The following FLNA variants were observed in gnomAD, a reference collection of about 807,000 sequenced individuals.
FLNA encodes the protein filamin A.
FLNA carries 7 observed loss-of-function variants against 157.6 expected under a neutral mutation model. The observed-to-expected ratio is 0.04, with a 90% confidence interval of 0.03 to 0.08. FLNA has a LOEUF of 0.08. Ranked by LOEUF, FLNA falls within the 10% of genes least tolerant of loss-of-function variation. FLNA has a pLI of 1.00. For synonymous variants in FLNA, 1,103 were observed against 1,060.8 expected, an observed-to-expected ratio of 1.04 and a Z score of -0.77; for missense variants, 1,750 against 2,398.4, an observed-to-expected ratio of 0.73 and a Z score of 5.65.
At chrX:154,358,735 C>T (rs1396495738) in intron 26 of FLNA, 167 bp from the exon 27 acceptor site, 2 of 680,367 alleles carry the variant, frequency 2.9e-6, no homozygotes, top group Non-Finnish European at 4.5e-6. Context: ...AGACACCCAT[C>T]TGGGTGCCAG....
intron 1 of FLNA, among the ~76,000 whole-genome samples, chrX:154,373,999 C>T (rs961143826): frequency 8.9e-6 from 1 of 112,750 alleles, no homozygotes; most frequent in Non-Finnish European, 1.9e-5. Context: ...CTCACCATGG[C>T]CCCCATGGAG....
In FLNA at chrX:154,361,704, G is replaced by C. The variant is rs782026572; in HGVS notation, c.2910C>G (p.Asp970Glu). 8.3e-7 allele frequency: 1 copy of C among 1,210,632 alleles called. No individual in the cohort carries two copies. The highest frequency in any genetic ancestry group is 3.0e-5 in the East Asian group (1 of 33,850). Reference sequence around the variant, plus strand: ...GGCCAGACACCTTGATCTTGCTGAGGTCCAGGCTTGGAGATACTGCCACTG... The same window carrying C: ...GGCCAGACACCTTGATCTTGCTGAGCTCCAGGCTTGGAGATACTGCCACTG... ...PFSVAVSPSL[D>E]LSKIKVSGLG... is the part of the protein sequence containing the mutation. Residue 970 changes from aspartate to glutamate, a missense_variant, in exon 20 of 48, where the codon GAC becomes GAG. By Grantham distance (45) the Asp-to-Glu change is conservative. Transcript: ENST00000369850.
At position 154,355,049 on chromosome X, in the gene FLNA, G is replaced by C. The variant is rs782244680; in HGVS notation, c.4993C>G (p.Gln1665Glu). 1.7e-6 allele frequency: 2 copies of C among 1,207,571 alleles called. No individual in the cohort carries two copies. Among genetic ancestry groups the C allele is most frequent in the Non-Finnish European group, 2.2e-6 (2 of 891,982 alleles). The change falls in exon 31 of 48, where the codon CAG becomes GAG. Residue 1665 changes from glutamine to glutamate, a missense_variant. By Grantham distance (29) the Gln-to-Glu change is conservative (BLOSUM62 2). Around this residue, in one of 5 missense-constraint regions of FLNA, gnomAD observed 970 missense variants for 1,302.6 expected, o/e 0.74. Transcript: ENST00000369850. ...GTGATCACCGTCTCCTCCCCAATCTGAATGGTGGGGCCGATGCCAGCACCT... is the reference window on the plus strand; with the variant it reads ...GTGATCACCGTCTCCTCCCCAATCTCAATGGTGGGGCCGATGCCAGCACCT... The part of the protein sequence containing the change: ...GLGAGIGPTI[Q>E]IGEETVITVD...
In FLNA at chrX:154,351,024, G is replaced by C. The variant is rs782166267; in HGVS notation, c.7041C>G (p.Val2347=). ...TGACTGCAAAAGAGGCTGGCTGGTT[G>C]ACCTTTAGCCCTGACTCCTGGAAGC... ...VSSLQESGLK[V]NQPASFAVSL... The change falls in exon 44 of 48, where the codon GTC becomes GTG. Residue 2347 remains valine (V), a synonymous_variant. Transcript: ENST00000369850. The C allele has an allele frequency of 1.6e-5, 19 of 1,211,774 alleles. No homozygotes were observed. Among genetic ancestry groups the C allele is most frequent in the Non-Finnish European group, 2.0e-5 (18 of 895,399 alleles).
rs59672916 is a variant in FLNA at position 154,361,046 on chromosome X, C to CAAAAAAAAAAAAAAAAAAAAAAAAAA, written c.3207+236_3207+261dup. On this transcript the variant is annotated intron_variant, in intron 21 of 47. Transcript: ENST00000369850. ...TGGGCGACAGAGTGAGACTCTTTCTCAAAAAAAAAAAAAAAAAAAAAAAAA... is the reference window on the plus strand; with the variant it reads ...TGGGCGACAGAGTGAGACTCTTTCTCAAAAAAAAAAAAAAAAAAAAAAAAAAAAAAAAAAAAAAAAAAAAAAAAAAA... Among the ~76,000 whole-genome samples the CAAAAAAAAAAAAAAAAAAAAAAAAAA allele has an allele frequency of 5.0e-4, 10 of 19,993 alleles. 1 individual carries two copies. The highest frequency in any genetic ancestry group is 5.9e-4 in the African/African-American group (3 of 5,114). 17.4% of individuals were successfully genotyped at this position (19,993 alleles called of 115,157 possible).
rs782811927 is a variant in FLNA, at chrX:154,350,154, C to T, written c.7210G>A (p.Val2404Ile). 26 of 1,210,152 alleles carry T rather than the reference C, an allele frequency of 2.1e-5. No individual in the cohort carries two copies. In the South Asian group the frequency reaches 3.3e-4, roughly 16 times the overall value. ...PRENGVYLID[V>I]KFNGTHIPGS... ...GGGATGTGGGTGCCGTTGAACTTGA[C>T]GTCAATCAGGTAAACGCCATTCTCC... The change falls in exon 45 of 48, where the codon GTC (valine) becomes ATC (isoleucine). Residue 2404 changes from valine (V) to isoleucine (I), a missense_variant. Transcript: ENST00000369850.
At chrX:154,358,765 G>A (rs1435981759) in intron 26 of FLNA, 197 bp from the exon 27 acceptor site, 4 of 593,959 alleles carry the variant, frequency 6.7e-6, no homozygotes, top group Non-Finnish European at 1.1e-5. Flanking sequence ...TTGCCTGCCT[G>A]CCTTCCTGCC....
intron 21 of FLNA, among the ~76,000 whole-genome samples, 174 bp from the exon 22 acceptor site, chrX:154,360,761 G>A (rs2067700177): frequency 8.9e-6 from 1 of 111,920 alleles, no homozygotes; most frequent in Non-Finnish European, 1.9e-5. Flanking sequence ...AGGACAAAAA[G>A]GAGGGCAGGG....
rs782631276 is a variant in FLNA, at chrX:154,368,186, G to A, written c.374-96C>T. ...AGGGTCTGGCAGCACGGGGTAGCAG[G>A]GGCCAAGGAGGAGGTAGACACCCCC... On this transcript the variant is annotated intron_variant, in intron 2 of 47. Transcript: ENST00000369850. 5.3e-6 allele frequency: 6 copies of A among 1,122,956 alleles called. No homozygotes were observed. In the Admixed American group the frequency reaches 6.5e-5, roughly 12 times the overall value. The allele number at this position is 1,122,956 out of a possible 1,213,427, so 92.5% of individuals were successfully genotyped here. A position where few individuals can be genotyped will look rare whatever the true frequency, so the allele number is the denominator to read the frequency against.
intron 21 of FLNA, 55 bp downstream of exon 21, chrX:154,361,253 G>A: frequency 1.7e-6 from 2 of 1,164,233 alleles, no homozygotes; most frequent in South Asian, 1.8e-5. Context: ...GTACCTTTGG[G>A]GCCCTCAGAG....
intron 1 of FLNA, among the ~76,000 whole-genome samples, chrX:154,373,720 G>A (rs913292103): frequency 8.8e-6 from 1 of 113,066 alleles, no homozygotes; most frequent in African/African-American, 3.2e-5. Flanking sequence ...GAAGGAAGCC[G>A]CAGACTGGCA....
intron 1 of FLNA, among the ~76,000 whole-genome samples, chrX:154,371,704 C>T (rs1337138770): frequency 1.8e-5 from 2 of 113,062 alleles, no homozygotes; most frequent in African/African-American, 6.4e-5. Context: ...CTTTCCTTCC[C>T]CAGGGCCCCT....
At chrX:154,371,586 C>T (rs987090532) in intron 1 of FLNA, among the ~76,000 whole-genome samples, 3 of 113,131 alleles carry the variant, frequency 2.7e-5, no homozygotes, top group Admixed American at 9.2e-5. Flanking sequence ...GCTCCCAGCC[C>T]CGCAGCCTCG....
chrX:154,371,315 G>C lies in FLNA; in HGVS notation c.-70C>G. On this transcript the variant is annotated 5_prime_UTR_variant, in exon 2 of 48. Transcript: ENST00000369850. The stretch of plus-strand genomic sequence containing the variant: ...AGGGGACGGCCCTTTAATTAAAGTC[G>C]CAGGCACCTAGGCGCGCGGGAGGCG... 8.7e-7 allele frequency: 1 copy of C among 1,153,304 alleles called. No individual in the cohort carries two copies. Among genetic ancestry groups the C allele is most frequent in the Admixed American group, 2.5e-5 (1 of 40,749 alleles).
At position 154,349,813 on chromosome X, in the gene FLNA, G is replaced by A. The variant is rs1460574102; in HGVS notation, c.7388C>T (p.Ser2463Leu). 6.6e-6 allele frequency: 8 copies of A among 1,210,209 alleles called. No individual in the cohort carries two copies. Among genetic ancestry groups the A allele is most frequent in the Non-Finnish European group, 7.8e-6 (7 of 895,145 alleles). The part of the protein sequence containing the change: ...NTSNAGAGAL[S>L]VTIDGPSKVK... Reference sequence around the variant, plus strand: ...CTTGGAGGGGCCGTCAATGGTCACCGACAGGGCACCAGCTCCCGCATTGCT... The same window carrying A: ...CTTGGAGGGGCCGTCAATGGTCACCAACAGGGCACCAGCTCCCGCATTGCT... Residue 2463 changes from serine to leucine, a missense_variant, in exon 46 of 48, where the codon TCG becomes TTG. This residue lies in a region of FLNA where 970 missense variants were observed against 1,302.6 expected (regional missense o/e 0.74). Transcript: ENST00000369850.
Position 154,357,545 on chromosome X carries a change from C to A in FLNA, c.4834G>T (p.Val1612Leu), listed in dbSNP as rs782082407. 1.7e-6 allele frequency: 2 copies of A among 1,211,365 alleles called. No homozygotes were observed. The highest frequency in any genetic ancestry group is 5.9e-5 in the East Asian group (2 of 33,859). ...ATGAGGATGGTGTAGCGACCTGTCA[C>A]GTCTGGCACGTAGGCCACTGTATAC... ...GTYTVAYVPD[V>L]TGRYTILIKY... The change falls in exon 29 of 48, where the codon GTG (valine) becomes TTG (leucine). Residue 1612 changes from valine to leucine, a missense_variant. Transcript: ENST00000369850.
In FLNA at chrX:154,366,585, G is replaced by C. The variant is rs782643025; in HGVS notation, c.1042C>G (p.Pro348Ala). 12 of 1,210,621 alleles carry C rather than the reference G, an allele frequency of 9.9e-6. No homozygotes were observed. In the East Asian group the frequency reaches 3.3e-4, roughly 33 times the overall value. ...ACCTTATGAGTCCCCGTCACCTCGG[G>C]GACGTACCAGACGGAGAAGGTGCGG... ...KNRTFSVWYV[P>A]EVTGTHKVTV... is the part of the protein sequence containing the mutation. Residue 348 changes from proline (P) to alanine (A), a missense_variant, in exon 7 of 48, where the codon CCC becomes GCC. By Grantham distance (27) the Pro-to-Ala change is conservative. This residue lies in a region of FLNA where 648 missense variants were observed against 805.8 expected (regional missense o/e 0.80). Coordinates refer to ENST00000369850, the MANE Select transcript of FLNA (RefSeq NM_001110556.2).
rs782817601 is a variant in FLNA at position 154,350,937 on chromosome X, C to T, written c.7128G>A (p.Glu2376=). Residue 2376 remains glutamate (E), a synonymous_variant, in exon 44 of 48, where the codon GAG becomes GAA. Coordinates refer to ENST00000369850, the MANE Select transcript of FLNA (RefSeq NM_001110556.2). ...AKVHSPSGAL[E]ECYVTEIDQD... The stretch of plus-strand genomic sequence containing the variant: ...GGTCAATTTCTGTGACATAGCACTC[C>T]TCCAGGGCTCCTGAGGGGCTGTGCA... 4 of 1,210,049 alleles carry T rather than the reference C, an allele frequency of 3.3e-6. 1 individual carries two copies. Among genetic ancestry groups the T allele is most frequent in the South Asian group, 3.5e-5 (2 of 56,904 alleles).
chrX:154,362,829 G>A lies in FLNA; in HGVS notation c.2281-45C>T, dbSNP rs200127321. Reference sequence around the variant, plus strand: ...GGGCAAGGGCATGAGCAGCCTGGAGGAGACTCAGAAGCTCCCTCAGCTACA... The same window carrying A: ...GGGCAAGGGCATGAGCAGCCTGGAGAAGACTCAGAAGCTCCCTCAGCTACA... On this transcript the variant is annotated intron_variant, in intron 15 of 47. Coordinates refer to ENST00000369850, the MANE Select transcript of FLNA (RefSeq NM_001110556.2). 2.1e-5 allele frequency: 24 copies of A among 1,162,383 alleles called. 1 individual carries two copies. The African/African-American group carries it at 3.4e-4, about 16-fold the overall frequency.
Sources: gnomAD v4.1 joint callset for allele counts (sites outside exome capture counted in the v4.1 genomes callset) on GRCh38, gnomAD v4.1.1 for gene constraint, gnomAD v4.1.1 regional missense constraint, MANE v1.5 for transcripts, NCBI Gene and HGNC (gene_info 2026-07-23, HGNC 2026-07-21) for gene names.